The following TSPEAR variants were observed in gnomAD, a reference collection of about 807,000 sequenced individuals.
TSPEAR encodes thrombospondin type laminin G domain and EAR repeats, also known as thrombospondin-type laminin G domain and EAR repeat-containing protein.
In TSPEAR, 69 loss-of-function variants were observed where a neutral mutation model predicts 71.6. That is an observed-to-expected ratio of 0.96 (90% CI 0.79 to 1.18). The LOEUF (loss-of-function observed/expected upper bound fraction) is 1.18, where lower values mean the gene tolerates loss of function less well. Ranked by LOEUF, TSPEAR falls within the 50% of genes most tolerant of loss-of-function variation. The pLI, the probability that TSPEAR is intolerant of heterozygous loss-of-function variation, is 0.00. For missense variants in TSPEAR, 971 were observed against 894.9 expected, an observed-to-expected ratio of 1.09 and a Z score of -1.09; for synonymous variants, 402 against 387.2, an observed-to-expected ratio of 1.04 and a Z score of -0.45.
Position 44,645,357 on chromosome 21 carries a change from GC to G in TSPEAR, c.82+66075del, listed in dbSNP as rs1256615950. ...GAGGGATCGAAGGGAGGGCCACTTA[GC>G]TTTTTTTTTTTTTTTTGAGACAGAG... On this transcript the variant is annotated intron_variant, in intron 1 of 11. Coordinates refer to ENST00000323084, the MANE Select transcript of TSPEAR (RefSeq NM_144991.3). Among the ~76,000 whole-genome samples, 47 of 99,410 alleles carry G rather than the reference GC, an allele frequency of 4.7e-4. No individual in the cohort carries two copies. In the East Asian group the frequency reaches 0.012, roughly 26 times the overall value. The allele number at this position is 99,410 out of a possible 152,430, so 65.2% of individuals were successfully genotyped here.
Position 44,525,731 on chromosome 21 carries a change from C to G in TSPEAR, c.1258G>C (p.Ala420Pro). 6.2e-7 allele frequency: 1 copy of G among 1,614,192 alleles called. No homozygotes were observed. The highest frequency in any genetic ancestry group is 1.7e-5 in the Admixed American group (1 of 60,034). Residue 420 changes from alanine to proline, a missense_variant, in exon 8 of 12, where the codon GCC (alanine) becomes CCC (proline). Physicochemically the swap from Ala to Pro is conservative, Grantham distance 27 (BLOSUM62 -1). Coordinates refer to ENST00000323084, the MANE Select transcript of TSPEAR (RefSeq NM_144991.3). The part of the protein sequence containing the change: ...KLKFTPYQSI[A>P]THSARDWEAF... ...TCCCAGTCTCGGGCGCTGTGTGTGG[C>G]AATGCTCTGATATGGGGTAAACTTC...
chr21:44,691,548 A>G, intron 1 of TSPEAR, among the ~76,000 whole-genome samples: 1 of 152,238 alleles, frequency 6.6e-6, no homozygotes, highest in East Asian at 1.9e-4. Context: ...AGAAACATAT[A>G]TGCACCATAC....
At chr21:44,670,422 G>A (rs1555945680) in intron 1 of TSPEAR, among the ~76,000 whole-genome samples, 1 of 140,440 alleles carries the variant, frequency 7.1e-6, no homozygotes, top group Admixed American at 7.1e-5. Context: ...CTGGAATTCA[G>A]CAAAGAAGCA....
At chr21:44,561,034 T>C (rs1365781913) in intron 2 of TSPEAR, among the ~76,000 whole-genome samples, 1 of 152,022 alleles carries the variant, frequency 6.6e-6, no homozygotes, top group Non-Finnish European at 1.5e-5. Flanking sequence ...AAAAAATCAA[T>C]GAATCCAGGA....
Position 44,575,360 on chromosome 21 carries a change from C to T in TSPEAR, c.83-7355G>A, listed in dbSNP as rs1978364705. 4 of 300,538 alleles carry T rather than the reference C, an allele frequency of 1.3e-5. No homozygotes were observed. In the South Asian group the frequency reaches 1.7e-4, roughly 13 times the overall value. 18.6% of individuals were successfully genotyped at this position (300,538 alleles called of 1,614,324 possible). On this transcript the variant is annotated intron_variant, in intron 1 of 11. Coordinates refer to ENST00000323084, the MANE Select transcript of TSPEAR (RefSeq NM_144991.3). Reference sequence around the variant, plus strand: ...CTGACCAATAAAGGCCCTGAGACTGCAATGGCGCTGACACCCAGGTGTGTT... The same window carrying T: ...CTGACCAATAAAGGCCCTGAGACTGTAATGGCGCTGACACCCAGGTGTGTT...
chr21:44,697,047 TGCCCA>T, intron 1 of TSPEAR: 8 of 1,111,382 alleles, frequency 7.2e-6, no homozygotes, highest in South Asian at 1.6e-5. Flanking sequence ...CCCTCCCTCC[TGCCCA>T]TCCAGCACCC....
intron 1 of TSPEAR, chr21:44,677,992 C>T (rs868987221): frequency 2.3e-5 from 24 of 1,048,270 alleles, no homozygotes; most frequent in Admixed American, 7.2e-5. Flanking sequence ...AGTAGAGTAT[C>T]GGCGGCATGG....
intron 1 of TSPEAR, chr21:44,580,553 C>T: frequency 1.2e-6 from 2 of 1,613,224 alleles, no homozygotes; most frequent in Non-Finnish European, 1.7e-6. Context: ...AGCGCTGGAG[C>T]AGACGGACAT....
chr21:44,686,720 G>C (rs1986876930), intron 1 of TSPEAR: 1 of 152,310 alleles, frequency 6.6e-6, no homozygotes, highest in Admixed American at 6.5e-5. Context: ...GAATCCCCCT[G>C]CACTTCTCAG....
At chr21:44,591,591 G>C in intron 1 of TSPEAR, 2 of 1,613,602 alleles carry the variant, frequency 1.2e-6, no homozygotes, top group Non-Finnish European at 1.7e-6. Flanking sequence ...AGGAGGATCT[G>C]CAGCAGGAGG....
Position 44,612,112 on chromosome 21 carries a change from C to G in TSPEAR, c.83-44107G>C. On this transcript the variant is annotated intron_variant, in intron 1 of 11. Coordinates refer to ENST00000323084, the MANE Select transcript of TSPEAR (RefSeq NM_144991.3). The surrounding 1 kb of genome is among the most constrained non-coding windows in gnomAD (Gnocchi z 4.1). ...GTCCAGCACCCACCATGGCTGACGC[C>G]TGCTGCACCAGGACGTATGTGATTG... 2 of 1,613,534 alleles carry G rather than the reference C, an allele frequency of 1.2e-6. No individual in the cohort carries two copies. The highest frequency in any genetic ancestry group is 1.7e-6 in the Non-Finnish European group (2 of 1,179,730).
Position 44,499,743 on chromosome 21 carries a change from C to T in TSPEAR, c.*40G>A. ...GTTGGGGGAGGTGCTGGGGTCCCGC[C>T]CCACCTGGCCACCCCAGTTGCTGCC... is the stretch of plus-strand genomic sequence containing the variant. On this transcript the variant is annotated 3_prime_UTR_variant, in exon 12 of 12. Transcript: ENST00000323084. 1 of 1,526,456 alleles carries T rather than the reference C, an allele frequency of 6.6e-7. No individual in the cohort carries two copies. The allele number at this position is 1,526,456 out of a possible 1,614,324, so 94.6% of individuals were successfully genotyped here. A position where few individuals can be genotyped will look rare whatever the true frequency, so the allele number is the denominator to read the frequency against.
intron 1 of TSPEAR, among the ~76,000 whole-genome samples, chr21:44,594,695 C>T (rs180859872): frequency 6.6e-6 from 1 of 152,328 alleles, no homozygotes; most frequent in African/African-American, 2.4e-5. Context: ...CCTGCCCCAG[C>T]CCCTCCTCCT....
Position 44,499,716 on chromosome 21 carries a change from C to T in TSPEAR, c.*67G>A. 1.4e-6 allele frequency: 2 copies of T among 1,465,224 alleles called. No individual in the cohort carries two copies. The highest frequency in any genetic ancestry group is 1.8e-6 in the Non-Finnish European group (2 of 1,105,096). The allele number at this position is 1,465,224 out of a possible 1,614,324, so 90.8% of individuals were successfully genotyped here. A position where few individuals can be genotyped will look rare whatever the true frequency, so the allele number is the denominator to read the frequency against. ...CTGGGCCCACCTGGACGTCCAGGGT[C>T]AGTTGGGGGAGGTGCTGGGGTCCCG... On this transcript the variant is annotated 3_prime_UTR_variant, in exon 12 of 12. Coordinates refer to ENST00000323084, the MANE Select transcript of TSPEAR (RefSeq NM_144991.3).
intron 1 of TSPEAR, among the ~76,000 whole-genome samples, chr21:44,662,612 C>A (rs1275627535): frequency 1.3e-5 from 2 of 152,174 alleles, no homozygotes; most frequent in Non-Finnish European, 2.9e-5. Context: ...CACTGTCAAT[C>A]AACTTGACCT....
At chr21:44,707,302 T>TTGGG (rs1555952602) in intron 1 of TSPEAR, among the ~76,000 whole-genome samples, 1 of 135,936 alleles carries the variant, frequency 7.4e-6, no homozygotes, top group African/African-American at 2.8e-5. Flanking sequence ...GGACGCGGGG[T>TTGGG]GGGGGGGGGT....
intron 1 of TSPEAR, among the ~76,000 whole-genome samples, chr21:44,643,132 A>G (rs1306283421): frequency 1.3e-5 from 2 of 152,228 alleles, no homozygotes; most frequent in African/African-American, 4.8e-5. Flanking sequence ...ACCTGCACAC[A>G]CTATGCTAGG....
rs117299801 is a variant in TSPEAR at position 44,676,055 on chromosome 21, C to A, written c.82+35378G>T. 5,638 of 873,674 alleles carry A rather than the reference C, an allele frequency of 6.5e-3. 34 individuals are homozygous for A. Among genetic ancestry groups the A allele is most frequent in the Non-Finnish European group, 8.7e-3 (4,409 of 506,102 alleles). The allele number at this position is 873,674 out of a possible 1,614,324, so 54.1% of individuals were successfully genotyped here. Reference sequence around the variant, plus strand: ...TAGCTCCAGATCACCATGCTCAATGCAATAGGAGGCATATGACAGTAATTT... The same window carrying A: ...TAGCTCCAGATCACCATGCTCAATGAAATAGGAGGCATATGACAGTAATTT... On this transcript the variant is annotated intron_variant, in intron 1 of 11. Transcript: ENST00000323084.
chr21:44,630,345 A>C (rs929914477), intron 1 of TSPEAR, among the ~76,000 whole-genome samples: 44 of 152,234 alleles, frequency 2.9e-4, no homozygotes, highest in African/African-American at 1.0e-3. Flanking sequence ...AGCTACACAG[A>C]GGCTTGGTCA....
Sources: allele counts gnomAD v4.1 joint callset (sites outside exome capture counted in the v4.1 genomes callset), GRCh38; gene constraint gnomAD v4.1.1; non-coding constraint Gnocchi (gnomAD v3.1); transcripts MANE v1.5; gene names NCBI Gene and HGNC (gene_info 2026-07-23, HGNC 2026-07-21).